The following PM20D2 variants were observed in gnomAD, a reference collection of about 807,000 sequenced individuals.
PM20D2 encodes xaa-Arg dipeptidase.
PM20D2 carries 33 observed loss-of-function variants against 42.9 expected under a neutral mutation model. That is an observed-to-expected ratio of 0.77 (90% confidence interval 0.58 to 1.03). The LOEUF (loss-of-function observed/expected upper bound fraction) is 1.03. Among genes scored for constraint, PM20D2 ranks in the 50% least tolerant of loss-of-function variants. The pLI is 0.00. For synonymous variants in PM20D2, 250 were observed against 228.2 expected, an observed-to-expected ratio of 1.10 and a Z score of -0.86; for missense variants, 548 against 557.0, an observed-to-expected ratio of 0.98 and a Z score of 0.16.
the PM20D2 span, among the ~76,000 whole-genome samples, chr6:89,114,791 A>G: frequency 6.6e-6 from 1 of 152,110 alleles, no homozygotes; most frequent in Admixed American, 6.5e-5. Context: ...CCAATATTTT[A>G]CTGCTTTTAT....
upstream of PM20D2, among the ~76,000 whole-genome samples, chr6:89,143,410 A>G (rs1037111222): frequency 1.3e-5 from 2 of 152,226 alleles, no homozygotes; most frequent in African/African-American, 4.8e-5. Context: ...TTTTCTAAGC[A>G]GCCAGGAAAG....
chr6:89,116,083 T>C, the PM20D2 span, among the ~76,000 whole-genome samples: 1 of 152,268 alleles, frequency 6.6e-6, no homozygotes, highest in Non-Finnish European at 1.5e-5. Flanking sequence ...AGCTGGAGCC[T>C]AGAGGCAGAT....
At chr6:89,127,325 GA>G in the PM20D2 span, among the ~76,000 whole-genome samples, 3 of 137,290 alleles carry the variant, frequency 2.2e-5, no homozygotes, top group Admixed American at 2.3e-4. Flanking sequence ...CAGTACCTGT[GA>G]AATGCTTTTT....
At chr6:89,152,568 A>G (rs776433983) in intron 2 of PM20D2, among the ~76,000 whole-genome samples, 6 of 152,214 alleles carry the variant, frequency 3.9e-5, no homozygotes, top group Non-Finnish European at 8.8e-5. Context: ...ATCTTGTGAT[A>G]ACATTGAATA....
chr6:89,146,701 C>G, intron 1 of PM20D2, 92 bp downstream of exon 1: 2 of 1,072,214 alleles, frequency 1.9e-6, no homozygotes, highest in South Asian at 2.1e-5. Context: ...CCGCGCGCCT[C>G]GGTGCCCTCC....
chr6:89,114,035 T>A, the PM20D2 span, among the ~76,000 whole-genome samples: 2 of 152,242 alleles, frequency 1.3e-5, no homozygotes, highest in African/African-American at 2.4e-5. Context: ...ACAGATTACA[T>A]GTGATGATTC....
chr6:89,115,125 G>A, the PM20D2 span, among the ~76,000 whole-genome samples: 5 of 148,702 alleles, frequency 3.4e-5, no homozygotes, highest in Non-Finnish European at 7.5e-5. Flanking sequence ...ACTCTCTAAA[G>A]GTCTCTCTGT....
the PM20D2 span, among the ~76,000 whole-genome samples, chr6:89,126,635 A>G: frequency 1.4e-5 from 2 of 139,194 alleles, 1 homozygote; most frequent in South Asian, 4.4e-4. Flanking sequence ...GCGCCACTGC[A>G]CTCCAGCCTG....
the PM20D2 span, among the ~76,000 whole-genome samples, chr6:89,119,547 C>G: frequency 6.6e-6 from 1 of 152,198 alleles, no homozygotes; most frequent in Non-Finnish European, 1.5e-5. Flanking sequence ...AGAATGCTTA[C>G]CATGTGTTAG....
chr6:89,149,723 T>G (rs1449463929), intron 2 of PM20D2, among the ~76,000 whole-genome samples: 1 of 152,368 alleles, frequency 6.6e-6, no homozygotes, highest in South Asian at 2.1e-4. Flanking sequence ...TCCTTTCATA[T>G]GAAATTGTCT....
chr6:89,097,215 A>G, the PM20D2 span: 1 of 152,230 alleles, frequency 6.6e-6, no homozygotes, highest in Admixed American at 6.5e-5. Flanking sequence ...GGATACAAAT[A>G]CTAACTGTAT....
chr6:89,112,093 C>T, the PM20D2 span, among the ~76,000 whole-genome samples: 1 of 151,410 alleles, frequency 6.6e-6, no homozygotes, highest in African/African-American at 2.4e-5. Context: ...CTGCAACCTC[C>T]TCCTCCCCGG....
chr6:89,106,146 G>C, the PM20D2 span, among the ~76,000 whole-genome samples: 1 of 152,072 alleles, frequency 6.6e-6, no homozygotes, highest in Non-Finnish European at 1.5e-5. Context: ...TTGAGATGGA[G>C]TTTCCCTCTT....
At chr6:89,135,644 AGTACTGCTAAGTTT>A in the PM20D2 span, among the ~76,000 whole-genome samples, 1 of 151,374 alleles carries the variant, frequency 6.6e-6, no homozygotes, top group South Asian at 2.1e-4. Flanking sequence ...GATTGTGTGT[AGTACTGCTAAGTTT>A]GTACCCTATA....
intron 1 of PM20D2, among the ~76,000 whole-genome samples, chr6:89,146,998 C>T (rs989454): frequency 0.83 from 125,901 of 152,228 alleles, 52,845 homozygotes; most frequent in East Asian, 1. Context: ...GAAATAACTT[C>T]TTGTAGGTAA....
At chr6:89,107,002 A>G in the PM20D2 span, 3 of 821,170 alleles carry the variant, frequency 3.7e-6, no homozygotes, top group Middle Eastern at 6.7e-4. Context: ...GGTGCTTGCC[A>G]GCTACTGTGG....
At chr6:89,112,407 GT>G in the PM20D2 span, among the ~76,000 whole-genome samples, 3 of 149,924 alleles carry the variant, frequency 2.0e-5, no homozygotes, top group African/African-American at 7.4e-5. Context: ...AAGTCCTACT[GT>G]CCAAATTAAT....
the PM20D2 span, chr6:89,105,461 C>T: frequency 6.2e-7 from 1 of 1,611,014 alleles, no homozygotes; most frequent in Non-Finnish European, 8.5e-7. Context: ...GTATTTCAAT[C>T]TGACGGCCAC....
chr6:89,157,378 A>G (rs1279693701), intron 4 of PM20D2, among the ~76,000 whole-genome samples: 1 of 152,218 alleles, frequency 6.6e-6, no homozygotes, highest in Non-Finnish European at 1.5e-5. Context: ...GCTTTTGCTA[A>G]TATTGGTTTG....
Sources: gnomAD v4.1 joint callset for allele counts (sites outside exome capture counted in the v4.1 genomes callset) on GRCh38, gnomAD v4.1.1 for gene constraint, MANE v1.5 for transcripts, NCBI Gene and HGNC (gene_info 2026-07-23, HGNC 2026-07-21) for gene names.